The following EPHA3 variants were observed in gnomAD, a reference collection of about 807,000 sequenced individuals.
EPHA3 encodes the protein EPH receptor A3.
In EPHA3, 42 loss-of-function variants were observed where a neutral mutation model predicts 107.1. The observed-to-expected ratio is 0.39, with a 90% CI of 0.31 to 0.51. The LOEUF (loss-of-function observed/expected upper bound fraction) is 0.51, where lower values mean the gene tolerates loss of function less well. EPHA3 is among the 20% of genes least tolerant of loss of function. The pLI, the probability that EPHA3 is intolerant of heterozygous loss-of-function variation, is 0.78. For missense variants in EPHA3, 1,183 were observed against 1,211.2 expected (o/e 0.98, Z 0.35); for synonymous variants, 461 against 424.8 (o/e 1.09, Z -1.05).
intron 16 of EPHA3, among the ~76,000 whole-genome samples, chr3:89,473,739 A>C (rs1229411425): frequency 6.6e-6 from 1 of 152,142 alleles, no homozygotes; most frequent in African/African-American, 2.4e-5. Context: ...CCAAAGTCAT[A>C]TGTTTACTAG....
chr3:89,315,294 G>A (rs371114628), intron 3 of EPHA3, among the ~76,000 whole-genome samples: 2 of 151,768 alleles, frequency 1.3e-5, no homozygotes, highest in Admixed American at 1.3e-4. Context: ...GACAGTGTAT[G>A]CCTACAAAGA....
intron 3 of EPHA3, among the ~76,000 whole-genome samples, chr3:89,272,537 G>A (rs1377299628): frequency 2.6e-5 from 4 of 151,868 alleles, no homozygotes; most frequent in Non-Finnish European, 5.9e-5. Flanking sequence ...TGGAAAATAA[G>A]GCATGTGCTA....
intron 5 of EPHA3, among the ~76,000 whole-genome samples, chr3:89,385,879 T>C (rs911747624): frequency 1.3e-5 from 2 of 152,116 alleles, no homozygotes; most frequent in African/African-American, 4.8e-5. Context: ...ACCAAAATAT[T>C]GATAGTGATA....
At position 89,466,602 on chromosome 3, in the gene EPHA3, G is replaced by C. The variant is rs1249192477; in HGVS notation, c.2691-5862G>C. Among the ~76,000 whole-genome samples, 425 of 128,354 alleles carry C rather than the reference G, an allele frequency of 3.3e-3. 2 individuals are homozygous for C. Among genetic ancestry groups the C allele is most frequent in the Non-Finnish European group, 5.6e-3 (329 of 58,892 alleles). 84.2% of individuals were successfully genotyped at this position (128,354 alleles called of 152,430 possible). The stretch of plus-strand genomic sequence containing the variant: ...GGGAGTGACCCGATTTTCCAGGTGC[G>C]TCCGTCACCCCTTTCTTTGACTCGG... On this transcript the variant is annotated intron_variant, in intron 15 of 16. Coordinates refer to ENST00000336596, the MANE Select transcript of EPHA3 (RefSeq NM_005233.6).
intron 5 of EPHA3, among the ~76,000 whole-genome samples, chr3:89,355,815 T>C (rs962707459): frequency 6.7e-6 from 1 of 149,220 alleles, no homozygotes; most frequent in Non-Finnish European, 1.5e-5. Flanking sequence ...AAAATGTGAA[T>C]AAATATATAT....
At chr3:89,315,674 A>T (rs1706881002) in intron 3 of EPHA3, among the ~76,000 whole-genome samples, 1 of 151,726 alleles carries the variant, frequency 6.6e-6, no homozygotes. Flanking sequence ...GCAGTTCTGA[A>T]AGGGTTCTTT....
intron 3 of EPHA3, among the ~76,000 whole-genome samples, chr3:89,300,393 A>C (rs545137502): frequency 6.6e-6 from 1 of 152,012 alleles, no homozygotes; most frequent in Non-Finnish European, 1.5e-5. Context: ...ATATACGTAA[A>C]GTTTGATATA....
At chr3:89,246,759 C>T (rs1266253820) in intron 3 of EPHA3, among the ~76,000 whole-genome samples, 3 of 152,074 alleles carry the variant, frequency 2.0e-5, no homozygotes, top group South Asian at 4.1e-4. Context: ...AAGAAGAATT[C>T]CAGGCTTTTC....
intron 11 of EPHA3, among the ~76,000 whole-genome samples, chr3:89,421,185 A>G (rs1333865527): frequency 6.6e-6 from 1 of 151,414 alleles, no homozygotes; most frequent in Non-Finnish European, 1.5e-5. Flanking sequence ...TTCTGGAACT[A>G]TTAATAATCC....
chr3:89,148,228 C>T (rs968083611), intron 2 of EPHA3, among the ~76,000 whole-genome samples: 1 of 151,820 alleles, frequency 6.6e-6, no homozygotes, highest in African/African-American at 2.4e-5. Flanking sequence ...AATGAAAACA[C>T]TAACATATAA....
At chr3:89,415,467 A>ATATATATATATATATATAT (rs1709227618) in intron 10 of EPHA3, among the ~76,000 whole-genome samples, 1 of 131,624 alleles carries the variant, frequency 7.6e-6, no homozygotes, top group African/African-American at 2.8e-5. Flanking sequence ...TTACAGAAAG[A>ATATATATATATATATATAT]ATATATATAT....
rs114955486 is a variant in EPHA3 at position 89,361,696 on chromosome 3, G to T, written c.1306+19606G>T. On this transcript the variant is annotated intron_variant, in intron 5 of 16. Coordinates refer to ENST00000336596, the MANE Select transcript of EPHA3 (RefSeq NM_005233.6). ...GAGCTAAGACGAACATTTTCTGAGCGCTCACCTCAACAGACCTGCCTCACT... is the reference window on the plus strand; with the variant it reads ...GAGCTAAGACGAACATTTTCTGAGCTCTCACCTCAACAGACCTGCCTCACT... 1.5e-3 allele frequency among the ~76,000 whole-genome samples: 229 copies of T among 150,994 alleles called. 4 individuals are homozygous for T. The highest frequency in any genetic ancestry group is 4.9e-3 in the African/African-American group (203 of 41,424).
intron 16 of EPHA3, among the ~76,000 whole-genome samples, chr3:89,476,804 A>T (rs200862938): frequency 6.6e-4 from 100 of 151,564 alleles, no homozygotes; most frequent in East Asian, 3.7e-3. Context: ...GAGACGGGGT[A>T]TCACCGCGTT....
At chr3:89,472,383 C>A in intron 15 of EPHA3, 81 bp from the exon 16 acceptor site, 4 of 1,417,088 alleles carry the variant, frequency 2.8e-6, no homozygotes, top group Admixed American at 2.0e-5. Context: ...GAAGTTCCTG[C>A]CGATGTTAGT....
intron 15 of EPHA3, among the ~76,000 whole-genome samples, chr3:89,452,181 T>C (rs1318741985): frequency 1.3e-5 from 2 of 152,152 alleles, no homozygotes; most frequent in African/African-American, 4.8e-5. Flanking sequence ...AATATAGATA[T>C]CTCTTTGAAA....
chr3:89,280,470 C>T (rs1422585881), intron 3 of EPHA3, among the ~76,000 whole-genome samples: 1 of 152,150 alleles, frequency 6.6e-6, no homozygotes, highest in Non-Finnish European at 1.5e-5. Context: ...TTATACAAAT[C>T]AGAGCACTTG....
intron 5 of EPHA3, among the ~76,000 whole-genome samples, chr3:89,388,165 T>A (rs1708659777): frequency 6.6e-6 from 1 of 152,148 alleles, no homozygotes; most frequent in African/African-American, 2.4e-5. Context: ...TGATTTTAAT[T>A]TTTTTATTTT....
At chr3:89,473,346 C>G (rs1346417382) in intron 16 of EPHA3, among the ~76,000 whole-genome samples, 1 of 152,050 alleles carries the variant, frequency 6.6e-6, no homozygotes, top group Non-Finnish European at 1.5e-5. Flanking sequence ...TAACAGGAAT[C>G]TTTTGATATG....
At chr3:89,321,400 T>G (rs1372001656) in intron 3 of EPHA3, among the ~76,000 whole-genome samples, 2 of 152,072 alleles carry the variant, frequency 1.3e-5, no homozygotes, top group Non-Finnish European at 2.9e-5. Context: ...AAGGAAGCTG[T>G]GCCTATATAC....
Sources: gnomAD v4.1 joint callset for allele counts (sites outside exome capture counted in the v4.1 genomes callset) on GRCh38, gnomAD v4.1.1 for gene constraint, MANE v1.5 for transcripts, NCBI Gene and HGNC (gene_info 2026-07-23, HGNC 2026-07-21) for gene names.